OBI1: variants seen among roughly 807,000 people sequenced by gnomAD.
OBI1 encodes the protein ring finger protein 219.
OBI1 carries 59 observed loss-of-function variants against 62.4 expected under a neutral mutation model. That is an observed-to-expected ratio of 0.95 (90% CI 0.77 to 1.17). The LOEUF is 1.17. Ranked by LOEUF, OBI1 falls within the 50% of genes most tolerant of loss-of-function variation. OBI1 has a pLI of 0.00. For missense variants in OBI1, 875 were observed against 830.9 expected (o/e 1.05, Z -0.65); for synonymous variants, 302 against 292.8 (o/e 1.03, Z -0.32).
At chr13:78,622,580 T>C (rs976952530) in intron 5 of OBI1, among the ~76,000 whole-genome samples, 3 of 152,206 alleles carry the variant, frequency 2.0e-5, no homozygotes, top group Non-Finnish European at 4.4e-5. Flanking sequence ...ATTAGGAAAG[T>C]ATCTTTTCTA....
At chr13:78,650,078 T>C (rs1409298637) in intron 1 of OBI1, among the ~76,000 whole-genome samples, 1 of 152,226 alleles carries the variant, frequency 6.6e-6, no homozygotes, top group Non-Finnish European at 1.5e-5. Flanking sequence ...TGGTTTCTAA[T>C]GCAAAGTAAG....
At chr13:78,638,097 G>A (rs1415400777) in intron 4 of OBI1, among the ~76,000 whole-genome samples, 1 of 152,152 alleles carries the variant, frequency 6.6e-6, no homozygotes, top group South Asian at 2.1e-4. Flanking sequence ...ACTCCACTGT[G>A]GATAAACTTG....
chr13:78,623,500 T>C (rs1875574902), intron 5 of OBI1, among the ~76,000 whole-genome samples: 1 of 152,240 alleles, frequency 6.6e-6, no homozygotes. Context: ...AGATTCATTA[T>C]TCTTATTTTA....
chr13:78,625,299 A>T (rs1209749269), intron 5 of OBI1, among the ~76,000 whole-genome samples: 1 of 152,248 alleles, frequency 6.6e-6, no homozygotes, highest in Admixed American at 6.5e-5. Flanking sequence ...GTTGAGTGAT[A>T]AAAAATATAC....
In OBI1 at chr13:78,616,569, G is replaced by A; in HGVS notation, c.1192C>T (p.Leu398Phe). The A allele has an allele frequency of 6.2e-7, 1 of 1,614,076 alleles. No individual in the cohort carries two copies. The highest frequency in any genetic ancestry group is 8.5e-7 in the Non-Finnish European group (1 of 1,180,018). ...CTATTTTCTGGAGTACTGAGCTGAA[G>A]GCAACTAAGGGACAAAGGAGTACAA... The part of the protein sequence containing the change: ...APCTPLSLSC[L>F]QLSTPENRES... Residue 398 changes from leucine to phenylalanine, a missense_variant, in exon 6 of 6, where the codon CTT becomes TTT. Leu to Phe is a conservative substitution (Grantham distance 22, BLOSUM62 0). Transcript: ENST00000282003.
intron 5 of OBI1, among the ~76,000 whole-genome samples, chr13:78,624,453 A>G (rs550611871): frequency 6.6e-6 from 1 of 152,178 alleles, no homozygotes; most frequent in Non-Finnish European, 1.5e-5. Flanking sequence ...TTATATTATT[A>G]ACACTATATT....
chr13:78,637,120 C>T (rs540926740), intron 4 of OBI1, among the ~76,000 whole-genome samples: 9 of 152,342 alleles, frequency 5.9e-5, no homozygotes, highest in African/African-American at 2.2e-4. Context: ...ACTGGCCTCA[C>T]GATGGTTCAA....
At chr13:78,630,052 T>C (rs1029878450) in intron 5 of OBI1, among the ~76,000 whole-genome samples, 1 of 152,174 alleles carries the variant, frequency 6.6e-6, no homozygotes, top group African/African-American at 2.4e-5. Flanking sequence ...TCAGAATGCC[T>C]TTCTCCTCCC....
intron 4 of OBI1, among the ~76,000 whole-genome samples, chr13:78,638,341 C>T (rs773887319): frequency 2.6e-5 from 4 of 152,098 alleles, no homozygotes; most frequent in African/African-American, 4.8e-5. Context: ...TTATTGCTGT[C>T]CTGGAATTAG....
intron 1 of OBI1, among the ~76,000 whole-genome samples, chr13:78,653,545 T>C (rs1005085859): frequency 2.0e-5 from 3 of 152,212 alleles, no homozygotes; most frequent in African/African-American, 7.2e-5. Context: ...CAAAATCATG[T>C]GTTCTTTCAA....
Position 78,632,561 on chromosome 13 carries a change from T to C in OBI1, c.638+2549A>G, listed in dbSNP as rs576676609. ...CCTAACCAAGCCGAAAAGAGAAAAA[T>C]AGTTAGTCAAGGCATTTTCTAAACC... On this transcript the variant is annotated intron_variant, in intron 5 of 5. Coordinates refer to ENST00000282003, the MANE Select transcript of OBI1 (RefSeq NM_024546.4). 1.2e-4 allele frequency among the ~76,000 whole-genome samples: 18 copies of C among 152,054 alleles called. No homozygotes were observed. In the South Asian group the frequency reaches 2.9e-3, roughly 25 times the overall value.
chr13:78,646,697 C>T (rs1030797750), intron 1 of OBI1, among the ~76,000 whole-genome samples: 6 of 151,978 alleles, frequency 3.9e-5, no homozygotes, highest in Non-Finnish European at 7.4e-5. Context: ...GGAGAAAATG[C>T]TTGTGCTACT....
rs1593795116 is a variant in OBI1 at position 78,638,903 on chromosome 13, CAGTT to C, written c.465_468del (p.Thr156Ter). 1 of 1,613,896 alleles carries C rather than the reference CAGTT, an allele frequency of 6.2e-7. No individual in the cohort carries two copies. The highest frequency in any genetic ancestry group is 1.7e-5 in the Admixed American group (1 of 60,008). On this transcript the variant is annotated frameshift_variant, in exon 4 of 6. Coordinates refer to ENST00000282003, the MANE Select transcript of OBI1 (RefSeq NM_024546.4). LOFTEE classifies it high-confidence loss of function. ...CTGAGTTTTTTCTTCCACTCTGCTACAGTTTCTGGGTTAATTTTACTTGGATTAT... is the reference window on the plus strand; with the variant it reads ...CTGAGTTTTTTCTTCCACTCTGCTACTCTGGGTTAATTTTACTTGGATTAT...
At chr13:78,657,580 C>T (rs1321158103) in intron 1 of OBI1, among the ~76,000 whole-genome samples, 2 of 152,158 alleles carry the variant, frequency 1.3e-5, no homozygotes, top group African/African-American at 4.8e-5. Flanking sequence ...TCACTATATT[C>T]TATGAGGTAT....
chr13:78,626,854 C>T (rs1445430206), intron 5 of OBI1, among the ~76,000 whole-genome samples: 1 of 152,170 alleles, frequency 6.6e-6, no homozygotes, highest in African/African-American at 2.4e-5. Flanking sequence ...ATCATGAGGT[C>T]AGGAGATCGA....
Position 78,615,927 on chromosome 13 carries a change from A to T in OBI1, c.1834T>A (p.Phe612Ile). ...ENGSEWKPTSFFLLSPSDQEM... is the reference protein window; with the variant it reads ...ENGSEWKPTSIFLLSPSDQEM... ...TGGTCAGATGGAGAGAGGAGAAAAAAAGAAGTGGGTTTCCATTCACTTCCA... is the reference window on the plus strand; with the variant it reads ...TGGTCAGATGGAGAGAGGAGAAAAATAGAAGTGGGTTTCCATTCACTTCCA... Residue 612 changes from phenylalanine to isoleucine, a missense_variant, in exon 6 of 6, where the codon TTT becomes ATT. By Grantham distance (21) the Phe-to-Ile change is conservative (BLOSUM62 0). Transcript: ENST00000282003. 6.2e-7 allele frequency: 1 copy of T among 1,613,856 alleles called. No homozygotes were observed. The highest frequency in any genetic ancestry group is 8.5e-7 in the Non-Finnish European group (1 of 1,179,948).
At chr13:78,653,366 C>T (rs974795379) in intron 1 of OBI1, among the ~76,000 whole-genome samples, 5 of 152,204 alleles carry the variant, frequency 3.3e-5, no homozygotes, top group African/African-American at 1.2e-4. Flanking sequence ...AAATCTACCT[C>T]CACCTAGTTG....
At chr13:78,639,908 G>A (rs1876158074) in intron 3 of OBI1, among the ~76,000 whole-genome samples, 1 of 148,200 alleles carries the variant, frequency 6.7e-6, no homozygotes, top group Non-Finnish European at 1.5e-5. Context: ...CGAGTTAGTG[G>A]GTGCAGCGCA....
intron 1 of OBI1, among the ~76,000 whole-genome samples, chr13:78,656,730 G>T (rs1380626597): frequency 1.4e-4 from 2 of 14,286 alleles, no homozygotes; most frequent in South Asian, 2.6e-3. Context: ...CATGGTACCT[G>T]GGGGGGGGGG....
Sources: gnomAD v4.1 joint callset for allele counts (sites outside exome capture counted in the v4.1 genomes callset) on GRCh38, gnomAD v4.1.1 for gene constraint, MANE v1.5 for transcripts, NCBI Gene and HGNC (gene_info 2026-07-23, HGNC 2026-07-21) for gene names.